Variants in ZNF71 observed in about 807,000 individuals in gnomAD.
ZNF71 encodes the protein zinc finger protein 71.
In ZNF71, 3 loss-of-function variants were observed where a neutral mutation model predicts 6.7. The ratio of observed to expected loss-of-function variants is 0.45; its 90% CI spans 0.20 to 1.16. The LOEUF is 1.16. Ranked by LOEUF, ZNF71 falls within the 50% of genes most tolerant of loss-of-function variation. The pLI, the probability that ZNF71 is intolerant of heterozygous loss-of-function variation, is 0.25. For missense variants in ZNF71, 688 were observed against 728.6 expected (o/e 0.94, Z 0.64); for synonymous variants, 343 against 311.1 (o/e 1.10, Z -1.08).
In ZNF71 at chr19:56,613,606, G is replaced by A. The variant is rs545874758; in HGVS notation, c.34-206G>A. 1.2e-3 allele frequency among the ~76,000 whole-genome samples: 181 copies of A among 152,238 alleles called. No homozygotes were observed. Among genetic ancestry groups the A allele is most frequent in the Non-Finnish European group, 2.1e-3 (146 of 68,028 alleles). On this transcript the variant is annotated intron_variant, in intron 2 of 3. Transcript: ENST00000599599. The surrounding 1 kb of genome is among the most constrained non-coding windows in gnomAD (Gnocchi z 4.6). ...TTCTGTTCCAGAATGTTTCATATGG[G>A]ATTTATTTCTCTATCAGAGTGCCAA...
intron 3 of ZNF71, among the ~76,000 whole-genome samples, chr19:56,616,012 G>A (rs76592814): frequency 0.11 from 16,517 of 152,152 alleles, 1,224 homozygotes; most frequent in East Asian, 0.31. Flanking sequence ...TGAATATCCA[G>A]GTGCCCCAGT....
chr19:56,610,249 G>C (rs1384426550), intron 2 of ZNF71: 1 of 152,214 alleles, frequency 6.6e-6, no homozygotes, highest in Non-Finnish European at 1.5e-5. Flanking sequence ...ATCCCCACCA[G>C]CTGTGCATTC....
Position 56,606,924 on chromosome 19 carries a change from T to C in ZNF71, c.33+5333T>C, listed in dbSNP as rs995875202. Among the ~76,000 whole-genome samples the C allele has an allele frequency of 8.9e-4, 136 of 152,240 alleles. 2 individuals carry two copies. The highest frequency in any genetic ancestry group is 3.1e-3 in the African/African-American group (129 of 41,540). ...AGCCCACATTCAAGGATGGGGGAAC[T>C]AGACTCCACTAGTGAAGGATTTGAG... On this transcript the variant is annotated intron_variant, in intron 2 of 3. Transcript: ENST00000599599.
Position 56,601,519 on chromosome 19 carries a change from C to T in ZNF71, c.-40C>T. The T allele has an allele frequency of 1.0e-6, 1 of 985,798 alleles. No homozygotes were observed. Among genetic ancestry groups the T allele is most frequent in the East Asian group, 1.1e-4 (1 of 8,776 alleles). 61.1% of individuals were successfully genotyped at this position (985,798 alleles called of 1,614,324 possible). ...CTTCTCCCTACAGCACTGTTGGTCA[C>T]CGCAGGCCTGTCTTCCTATTCACCG... On this transcript the variant is annotated 5_prime_UTR_variant, in exon 2 of 4. Coordinates refer to ENST00000599599, the MANE Select transcript of ZNF71 (RefSeq NM_001370215.1).
chr19:56,612,195 G>A (rs1026803984), intron 2 of ZNF71, among the ~76,000 whole-genome samples: 5 of 152,116 alleles, frequency 3.3e-5, no homozygotes, highest in African/African-American at 7.2e-5. Context: ...TCACTACTTG[G>A]TGTCAACGCA....
At chr19:56,607,084 A>G (rs2044715773) in intron 2 of ZNF71, among the ~76,000 whole-genome samples, 1 of 152,174 alleles carries the variant, frequency 6.6e-6, no homozygotes, top group African/African-American at 2.4e-5. Context: ...TTAATTTACA[A>G]TTTTCTGGGC....
chr19:56,612,584 G>C (rs2044760054), intron 2 of ZNF71, among the ~76,000 whole-genome samples: 1 of 152,266 alleles, frequency 6.6e-6, no homozygotes, highest in East Asian at 1.9e-4. Flanking sequence ...TGGATATACA[G>C]AGGCATACTG....
chr19:56,622,259 G>T lies in ZNF71; in HGVS notation c.1152G>T (p.Lys384Asn). The T allele has an allele frequency of 3.7e-6, 6 of 1,609,058 alleles. No individual in the cohort carries two copies. The highest frequency in any genetic ancestry group is 1.1e-5 in the South Asian group (1 of 91,044). The change falls in exon 4 of 4, where the codon AAG (lysine) becomes AAT (asparagine). Residue 384 changes from lysine (K) to asparagine (N), a missense_variant. Coordinates refer to ENST00000599599, the MANE Select transcript of ZNF71 (RefSeq NM_001370215.1). ...ACCAGAGGAACCACACCGGCGAGAA[G>T]CCCTACGTGTGCGGCGAGTGCGGCA... ...TLHQRNHTGE[K>N]PYVCGECGKA...
chr19:56,597,856 G>A (rs574437556), intron 1 of ZNF71, among the ~76,000 whole-genome samples: 16 of 152,190 alleles, frequency 1.1e-4, no homozygotes, highest in Admixed American at 8.5e-4. Context: ...TTTGTGTATT[G>A]CCAGCTCACT....
intron 3 of ZNF71, among the ~76,000 whole-genome samples, chr19:56,620,869 A>G (rs992056577): frequency 6.6e-6 from 1 of 152,128 alleles, no homozygotes; most frequent in Non-Finnish European, 1.5e-5. Flanking sequence ...GAGGAGCACG[A>G]CTGGTTGTGG....
intron 1 of ZNF71, among the ~76,000 whole-genome samples, chr19:56,596,982 T>G (rs2044630836): frequency 6.6e-6 from 1 of 152,202 alleles, no homozygotes; most frequent in South Asian, 2.1e-4. Flanking sequence ...GCCATACTCT[T>G]GGGCAAGTCA....
chr19:56,596,334 G>A (rs923303723), intron 1 of ZNF71, among the ~76,000 whole-genome samples: 1 of 152,068 alleles, frequency 6.6e-6, no homozygotes, highest in African/African-American at 2.4e-5. Flanking sequence ...GGGTGGGTGC[G>A]TCTGGGTGTG....
rs907784453 is a variant in ZNF71, at chr19:56,603,091, G to A, written c.33+1500G>A. 4.6e-5 allele frequency among the ~76,000 whole-genome samples: 7 copies of A among 152,204 alleles called. No individual in the cohort carries two copies. The highest frequency in any genetic ancestry group is 1.2e-4 in the African/African-American group (5 of 41,458). ...GTACCTTTGTTGAGGTACACATCAC[G>A]TATCACAAAGTGTACAATTCACTGA... On this transcript the variant is annotated intron_variant, in intron 2 of 3. Transcript: ENST00000599599. The surrounding 1 kb of genome is among the most constrained non-coding windows in gnomAD (Gnocchi z 4.6).
chr19:56,605,552 T>C (rs1600586890), intron 2 of ZNF71, among the ~76,000 whole-genome samples: 1 of 152,358 alleles, frequency 6.6e-6, no homozygotes, highest in South Asian at 2.1e-4. Context: ...TTTTGAGCCA[T>C]TAAGTTCTGA....
rs2044877575 is a variant in ZNF71 at position 56,623,002 on chromosome 19, C to A, written c.*245C>A. ...ACTTCAAGGTTCACTGTAGCTGAGC[C>A]ATGGCCGCTGGTAACAGACATCAGG... is the stretch of plus-strand genomic sequence containing the variant. On this transcript the variant is annotated 3_prime_UTR_variant, in exon 4 of 4. Transcript: ENST00000599599. 3 of 566,578 alleles carry A rather than the reference C, an allele frequency of 5.3e-6. No individual in the cohort carries two copies. Among genetic ancestry groups the A allele is most frequent in the Admixed American group, 7.0e-5 (2 of 28,588 alleles). The allele number at this position is 566,578 out of a possible 1,614,324, so 35.1% of individuals were successfully genotyped here.
intron 2 of ZNF71, among the ~76,000 whole-genome samples, chr19:56,609,681 A>G (rs61181650): frequency 0.14 from 19,152 of 133,392 alleles, 2,092 homozygotes; most frequent in East Asian, 0.32. Flanking sequence ...GAGCCATACG[A>G]TATGGATTTT....
chr19:56,600,103 T>TTTTTTTTTG (rs2044657479), intron 1 of ZNF71, among the ~76,000 whole-genome samples: 1 of 131,794 alleles, frequency 7.6e-6, no homozygotes, highest in African/African-American at 2.8e-5. Context: ...TTTGTTTTTT[T>TTTTTTTTTG]TTTTTTTTTT....
chr19:56,596,245 G>C (rs1548864), intron 1 of ZNF71, among the ~76,000 whole-genome samples: 44,792 of 151,902 alleles, frequency 0.29, 7,912 homozygotes, highest in Middle Eastern at 0.4. Context: ...CCAGGGGCCA[G>C]TCCTGTCTGG....
chr19:56,619,304 T>G (rs928533023), intron 3 of ZNF71, among the ~76,000 whole-genome samples: 14 of 152,096 alleles, frequency 9.2e-5, no homozygotes, highest in African/African-American at 3.1e-4. Context: ...CTATCCCCAT[T>G]AAACACCAAC....
Sources: gnomAD v4.1 joint callset for allele counts (sites outside exome capture counted in the v4.1 genomes callset) on GRCh38, gnomAD v4.1.1 for gene constraint, Gnocchi (gnomAD v3.1) non-coding constraint, MANE v1.5 for transcripts, NCBI Gene and HGNC (gene_info 2026-07-23, HGNC 2026-07-21) for gene names.